TMEM144: variants seen among roughly 807,000 people sequenced by gnomAD.
The protein encoded by TMEM144 is transmembrane protein 144.
A neutral mutation model predicts 43.6 loss-of-function variants in TMEM144; 39 were observed. The ratio of observed to expected loss-of-function variants is 0.90; its 90% CI spans 0.69 to 1.17. TMEM144 has a LOEUF of 1.17. Among genes scored for constraint, TMEM144 ranks in the 50% most tolerant of loss-of-function variants. TMEM144 has a pLI of 0.00. For synonymous variants in TMEM144, 154 were observed against 133.6 expected (o/e 1.15, Z -1.06); for missense variants, 417 against 411.9 (o/e 1.01, Z -0.11).
chr4:158,247,074 G>C (rs1735926665), intron 12 of TMEM144, among the ~76,000 whole-genome samples: 1 of 151,850 alleles, frequency 6.6e-6, no homozygotes, highest in African/African-American at 2.4e-5. Context: ...AATATACTAT[G>C]ACCCAATAGG....
At chr4:158,244,037 T>G (rs1023243526) in intron 11 of TMEM144, among the ~76,000 whole-genome samples, 3 of 152,128 alleles carry the variant, frequency 2.0e-5, no homozygotes, top group African/African-American at 7.2e-5. Context: ...TCAGATATAT[T>G]AAAGTATTAT....
chr4:158,240,291 A>G lies in TMEM144; in HGVS notation c.683-8A>G, dbSNP rs773360321. 3.1e-6 allele frequency: 5 copies of G among 1,598,194 alleles called. No individual in the cohort carries two copies. Among genetic ancestry groups the G allele is most frequent in the African/African-American group, 1.4e-5 (1 of 73,860 alleles). The stretch of plus-strand genomic sequence containing the variant: ...TGGTGTTTGAGAGTTTTTAATGTCT[A>G]TTTTCAGATTTAGACTATGTGTTTG... On this transcript the variant is annotated splice_region_variant and splice_polypyrimidine_tract_variant and intron_variant, in intron 9 of 12. Coordinates refer to ENST00000296529, the MANE Select transcript of TMEM144 (RefSeq NM_018342.5).
Position 158,217,433 on chromosome 4 carries a change from A to G in TMEM144, c.332+13A>G. 6.4e-7 allele frequency: 1 copy of G among 1,565,736 alleles called. No homozygotes were observed. The highest frequency in any genetic ancestry group is 1.1e-5 in the South Asian group (1 of 89,684). The stretch of plus-strand genomic sequence containing the variant: ...GGGCAAGCTCAAGGTAATTCAAGTC[A>G]AACTAGTTCAACTAAGATTTCCTGC... On this transcript the variant is annotated intron_variant, in intron 5 of 12. Transcript: ENST00000296529.
chr4:158,242,403 C>A (rs1459756994), intron 11 of TMEM144, among the ~76,000 whole-genome samples: 1 of 152,164 alleles, frequency 6.6e-6, no homozygotes, highest in Non-Finnish European at 1.5e-5. Context: ...AACAATCTTA[C>A]ATTCTTCATT....
chr4:158,213,007 T>C, intron 3 of TMEM144: 1 of 569,134 alleles, frequency 1.8e-6, no homozygotes, highest in Non-Finnish European at 3.1e-6. Flanking sequence ...AGTCAGGAAA[T>C]CTCTTGGGCC....
chr4:158,242,023 C>G (rs781678667), intron 11 of TMEM144, among the ~76,000 whole-genome samples: 46 of 152,294 alleles, frequency 3.0e-4, no homozygotes, highest in Non-Finnish European at 5.7e-4. Flanking sequence ...GTTGGTTTTT[C>G]TACCATTGTT....
chr4:158,221,866 G>A (rs2111111401), intron 6 of TMEM144, among the ~76,000 whole-genome samples: 1 of 152,286 alleles, frequency 6.6e-6, no homozygotes, highest in South Asian at 2.1e-4. Flanking sequence ...AGAAGGGAAT[G>A]ATGCTGATCA....
intron 8 of TMEM144, chr4:158,235,789 TA>T (rs1332087432): frequency 3.6e-6 from 1 of 280,912 alleles, no homozygotes; most frequent in Non-Finnish European, 6.8e-6. Flanking sequence ...GTAGCTAAAG[TA>T]AAAGAGGTAG....
At chr4:158,245,544 G>A (rs1174761612) in intron 12 of TMEM144, among the ~76,000 whole-genome samples, 2 of 152,126 alleles carry the variant, frequency 1.3e-5, no homozygotes, top group African/African-American at 4.8e-5. Flanking sequence ...AGAGCTGAGA[G>A]AATATGAGTA....
chr4:158,247,834 T>C (rs1480385287), intron 12 of TMEM144, among the ~76,000 whole-genome samples: 1 of 151,772 alleles, frequency 6.6e-6, no homozygotes, highest in African/African-American at 2.4e-5. Flanking sequence ...TTACGTTCAG[T>C]ATAATTCCTG....
At chr4:158,235,080 A>T (rs1474824518) in intron 7 of TMEM144, 1 of 169,210 alleles carries the variant, frequency 5.9e-6, no homozygotes, top group African/African-American at 2.4e-5. Context: ...ATGCTCATTG[A>T]TCTTAAGCAT....
intron 8 of TMEM144, among the ~76,000 whole-genome samples, chr4:158,236,374 AT>A (rs562177748): frequency 6.6e-6 from 1 of 151,608 alleles, no homozygotes; most frequent in African/African-American, 2.4e-5. Flanking sequence ...ATTTTTTCAA[AT>A]TTTTTTTTCA....
At chr4:158,230,034 T>G (rs1267563994) in intron 6 of TMEM144, among the ~76,000 whole-genome samples, 2 of 152,210 alleles carry the variant, frequency 1.3e-5, no homozygotes, top group African/African-American at 4.8e-5. Flanking sequence ...CTTCGGGAGC[T>G]CAGCAGGCTG....
intron 6 of TMEM144, among the ~76,000 whole-genome samples, chr4:158,228,689 C>T (rs1275021652): frequency 3.3e-5 from 5 of 152,098 alleles, no homozygotes; most frequent in African/African-American, 7.2e-5. Context: ...AGGCTTAAGC[C>T]GCCTAAGGAG....
intron 6 of TMEM144, among the ~76,000 whole-genome samples, chr4:158,231,607 C>A (rs548025105): frequency 3.0e-4 from 45 of 151,978 alleles, no homozygotes; most frequent in African/African-American, 1.1e-3. Flanking sequence ...TTTTTTTAAA[C>A]CACATTCAAC....
At chr4:158,234,605 G>C (rs1448032923) in intron 7 of TMEM144, 1 of 151,774 alleles carries the variant, frequency 6.6e-6, no homozygotes, top group East Asian at 1.9e-4. Context: ...TATCCACAGG[G>C]AATATGTTCC....
At chr4:158,244,264 C>A (rs1735768809) in intron 11 of TMEM144, 32 bp from the exon 12 acceptor site, 2 of 1,466,452 alleles carry the variant, frequency 1.4e-6, no homozygotes, top group Non-Finnish European at 1.9e-6. Context: ...GGTAAATATC[C>A]AATTTAATTA....
chr4:158,252,372 T>C (rs147067117), intron 12 of TMEM144, among the ~76,000 whole-genome samples: 1 of 152,258 alleles, frequency 6.6e-6, no homozygotes, highest in Non-Finnish European at 1.5e-5. Context: ...CATCTACCCA[T>C]CATCATCTTT....
Position 158,249,595 on chromosome 4 carries a change from A to G in TMEM144, c.955-3849A>G, listed in dbSNP as rs111320797. Among the ~76,000 whole-genome samples, 852 of 152,324 alleles carry G rather than the reference A, an allele frequency of 5.6e-3. 11 individuals are homozygous for G. Among genetic ancestry groups the G allele is most frequent in the African/African-American group, 0.02 (817 of 41,584 alleles). ...ACATTGAAGGGGAAAAAAATTTTTC[A>G]TTCCCTGAGAACATTATTCTTCTGT... is the stretch of plus-strand genomic sequence containing the variant. On this transcript the variant is annotated intron_variant, in intron 12 of 12. Transcript: ENST00000296529.
Sources: gnomAD v4.1 joint callset for allele counts (sites outside exome capture counted in the v4.1 genomes callset) on GRCh38, gnomAD v4.1.1 for gene constraint, MANE v1.5 for transcripts, NCBI Gene and HGNC (gene_info 2026-07-23, HGNC 2026-07-21) for gene names.